Variants in VCL observed in about 807,000 individuals in gnomAD.
VCL encodes the protein epididymis luminal protein 114.
In VCL, 47 loss-of-function variants were observed where a neutral mutation model predicts 125.7. That is an observed-to-expected ratio of 0.37 (90% CI 0.30 to 0.48). VCL has a LOEUF of 0.48. VCL is among the 20% of genes least tolerant of loss of function. VCL has a pLI of 0.99. For synonymous variants in VCL, 458 were observed against 514.6 expected, an observed-to-expected ratio of 0.89 and a Z score of 1.49; for missense variants, 1,069 against 1,455.5, an observed-to-expected ratio of 0.73 and a Z score of 4.32.
At chr10:74,100,173 A>G (rs1359166189) in intron 13 of VCL, among the ~76,000 whole-genome samples, 3 of 152,222 alleles carry the variant, frequency 2.0e-5, no homozygotes, top group African/African-American at 7.2e-5. Flanking sequence ...TTCTAGTTTG[A>G]AGAAGATAAG....
At chr10:74,043,270 A>G (rs750847056) in intron 2 of VCL, 117 bp downstream of exon 2, 15 of 948,362 alleles carry the variant, frequency 1.6e-5, no homozygotes, top group Non-Finnish European at 2.3e-5. Context: ...TTACAATTGA[A>G]ATTTCAACTT....
chr10:74,066,131 C>G (rs921187391), intron 2 of VCL, among the ~76,000 whole-genome samples: 1 of 149,878 alleles, frequency 6.7e-6, no homozygotes, highest in Admixed American at 6.6e-5. Flanking sequence ...ACGATCTCAG[C>G]TCACCGCAAC....
At chr10:74,007,348 T>G (rs1470903178) in intron 1 of VCL, among the ~76,000 whole-genome samples, 1 of 152,180 alleles carries the variant, frequency 6.6e-6, no homozygotes, top group African/African-American at 2.4e-5. Context: ...ATGGGTAGGA[T>G]AGGAATATCC....
At chr10:74,023,632 C>T (rs1044733750) in intron 1 of VCL, among the ~76,000 whole-genome samples, 2 of 152,162 alleles carry the variant, frequency 1.3e-5, no homozygotes. Context: ...TTGTCCGTGG[C>T]AACTGTTCAA....
In VCL at chr10:74,017,046, C is replaced by CT. The variant is rs549275362; in HGVS notation, c.168+18690dup. 8.5e-3 allele frequency among the ~76,000 whole-genome samples: 965 copies of CT among 113,122 alleles called. 55 individuals carry two copies. Among genetic ancestry groups the CT allele is most frequent in the African/African-American group, 0.012 (297 of 24,282 alleles). 74.2% of individuals were successfully genotyped at this position (113,122 alleles called of 152,430 possible). ...TGTAGCATATGTCAGAATTTCCTTC[C>CT]TTTTTTTTTTTTTTTTTTTGAGACG... On this transcript the variant is annotated intron_variant, in intron 1 of 21. Coordinates refer to ENST00000211998, the MANE Select transcript of VCL (RefSeq NM_014000.3).
intron 2 of VCL, among the ~76,000 whole-genome samples, chr10:74,064,827 C>A (rs1841540964): frequency 6.6e-6 from 1 of 152,098 alleles, no homozygotes; most frequent in Non-Finnish European, 1.5e-5. Flanking sequence ...ATATGTTAAG[C>A]CATGAAGCTA....
intron 1 of VCL, among the ~76,000 whole-genome samples, chr10:74,000,890 T>G (rs1485735577): frequency 6.6e-6 from 1 of 152,168 alleles, no homozygotes; most frequent in Non-Finnish European, 1.5e-5. Flanking sequence ...GACTTGAGAT[T>G]GGTGGTAGCT....
At chr10:74,025,059 T>C (rs1840746519) in intron 1 of VCL, among the ~76,000 whole-genome samples, 1 of 152,192 alleles carries the variant, frequency 6.6e-6, no homozygotes, top group Admixed American at 6.5e-5. Context: ...AAAGTCTTGC[T>C]CTGTCACCCA....
At chr10:74,051,909 A>G (rs1430639196) in intron 2 of VCL, among the ~76,000 whole-genome samples, 2 of 152,216 alleles carry the variant, frequency 1.3e-5, no homozygotes, top group African/African-American at 4.8e-5. Context: ...CAGCAGCAGC[A>G]GCAGCAGAGG....
Position 74,105,258 on chromosome 10 carries a change from G to C in VCL, c.2339G>C (p.Arg780Pro). The change falls in exon 16 of 22, where the codon CGT becomes CCT. Residue 780 changes from arginine (R) to proline (P), a missense_variant. Physicochemically the swap from Arg to Pro is moderately radical, Grantham distance 103. Around this residue, in one of 6 missense-constraint regions of VCL, gnomAD observed 760 missense variants for 928.9 expected, o/e 0.82. Coordinates refer to ENST00000211998, the MANE Select transcript of VCL (RefSeq NM_014000.3). Reference sequence around the variant, plus strand: ...GAGAATTCCGAGGATCCCAAGTTCCGTGAGGCTGTGAAAGCTGCCTCTGAT... The same window carrying C: ...GAGAATTCCGAGGATCCCAAGTTCCCTGAGGCTGTGAAAGCTGCCTCTGAT... ...EVENSEDPKF[R>P]EAVKAASDEL... 1 of 1,614,054 alleles carries C rather than the reference G, an allele frequency of 6.2e-7. No homozygotes were observed. Among genetic ancestry groups the C allele is most frequent in the Non-Finnish European group, 8.5e-7 (1 of 1,180,046 alleles).
intron 1 of VCL, among the ~76,000 whole-genome samples, chr10:73,999,792 T>A (rs1314996693): frequency 6.6e-6 from 1 of 152,218 alleles, no homozygotes; most frequent in African/African-American, 2.4e-5. Context: ...TTAGTAAGAA[T>A]CTATTCATTC....
At chr10:74,011,468 G>A (rs1014053677) in intron 1 of VCL, among the ~76,000 whole-genome samples, 2 of 152,136 alleles carry the variant, frequency 1.3e-5, no homozygotes, top group African/African-American at 4.8e-5. Context: ...GTTGGTTTCT[G>A]AAGGGCAAGG....
rs189885561 is a variant in VCL, at chr10:74,103,728, C to T, written c.2023-92C>T. 2.2e-5 allele frequency: 26 copies of T among 1,190,592 alleles called. No individual in the cohort carries two copies. In the African/African-American group the frequency reaches 3.6e-4, roughly 17 times the overall value. The allele number at this position is 1,190,592 out of a possible 1,614,324, so 73.8% of individuals were successfully genotyped here. ...TTGCCACTTTCTGGCTTTACAGTGC[C>T]ATCTGTAGGTAAAGAGGAGAAAGCT... On this transcript the variant is annotated intron_variant, in intron 14 of 21. Transcript: ENST00000211998.
intron 1 of VCL, among the ~76,000 whole-genome samples, chr10:74,032,957 T>C (rs1020140575): frequency 6.6e-6 from 1 of 152,190 alleles, no homozygotes. Flanking sequence ...TTAGCCTCTT[T>C]GGAAAATAGT....
intron 1 of VCL, among the ~76,000 whole-genome samples, chr10:74,035,109 T>C (rs1840947478): frequency 6.6e-6 from 1 of 152,238 alleles, no homozygotes. Flanking sequence ...AGTTACGACT[T>C]ACATTGTACA....
chr10:74,028,486 TC>T, intron 1 of VCL, among the ~76,000 whole-genome samples: 1 of 148,578 alleles, frequency 6.7e-6, no homozygotes, highest in East Asian at 2.0e-4. Context: ...AACCTCTGCC[TC>T]CCGGGTTCAA....
At chr10:74,068,875 C>A (rs994262080) in intron 2 of VCL, among the ~76,000 whole-genome samples, 1 of 151,144 alleles carries the variant, frequency 6.6e-6, no homozygotes, top group Non-Finnish European at 1.5e-5. Flanking sequence ...TCATTGTATG[C>A]CCTTTTGGTT....
rs977792563 is a variant in VCL at position 74,052,944 on chromosome 10, A to T, written c.239+9791A>T. Among the ~76,000 whole-genome samples the T allele has an allele frequency of 1.5e-3, 193 of 130,272 alleles. 1 individual carries two copies. The highest frequency in any genetic ancestry group is 5.4e-3 in the African/African-American group (160 of 29,494). The allele number at this position is 130,272 out of a possible 152,430, so 85.5% of individuals were successfully genotyped here. On this transcript the variant is annotated intron_variant, in intron 2 of 21. Coordinates refer to ENST00000211998, the MANE Select transcript of VCL (RefSeq NM_014000.3). ...CCCTACCTGGCTGTGATGAAAAAAA[A>T]AAATATATATATATATATATATAGT...
At chr10:74,069,666 C>T (rs1841631389) in intron 2 of VCL, among the ~76,000 whole-genome samples, 1 of 152,104 alleles carries the variant, frequency 6.6e-6, no homozygotes, top group Non-Finnish European at 1.5e-5. Context: ...GCAGTTTGTT[C>T]CTTATCTTTG....
Sources: gnomAD v4.1 joint callset for allele counts (sites outside exome capture counted in the v4.1 genomes callset) on GRCh38, gnomAD v4.1.1 for gene constraint, gnomAD v4.1.1 regional missense constraint, MANE v1.5 for transcripts, NCBI Gene and HGNC (gene_info 2026-07-23, HGNC 2026-07-21) for gene names.